Variants in ENOX1 observed in about 807,000 individuals in gnomAD.
The protein encoded by ENOX1 is candidate growth-related and time keeping constitutive hydroquinone (NADH) oxidase.
A neutral mutation model predicts 82.5 loss-of-function variants in ENOX1; 42 were observed. The ratio of observed to expected loss-of-function variants is 0.51; its 90% confidence interval spans 0.40 to 0.66. The LOEUF is 0.66. Ranked by LOEUF, ENOX1 falls within the 30% of genes least tolerant of loss-of-function variation. The pLI is 0.00. For missense variants in ENOX1, 608 were observed against 811.6 expected (o/e 0.75, Z 3.05); for synonymous variants, 271 against 282.2 (o/e 0.96, Z 0.40).
intron 5 of ENOX1, among the ~76,000 whole-genome samples, chr13:43,373,115 C>T (rs935447574): frequency 3.3e-5 from 5 of 151,868 alleles, no homozygotes; most frequent in African/African-American, 1.2e-4. Context: ...TGAGTGTATG[C>T]ATGTGTATAT....
At chr13:43,464,900 T>C (rs1566289408) in intron 3 of ENOX1, among the ~76,000 whole-genome samples, 1 of 152,238 alleles carries the variant, frequency 6.6e-6, no homozygotes, top group Non-Finnish European at 1.5e-5. Context: ...AGTTTTTTCT[T>C]GCTTCCCATG....
At chr13:43,591,193 T>C (rs1408976540) in intron 2 of ENOX1, among the ~76,000 whole-genome samples, 2 of 152,222 alleles carry the variant, frequency 1.3e-5, no homozygotes, top group African/African-American at 2.4e-5. Flanking sequence ...CTTAGCAGCA[T>C]TATTTGTAGT....
At chr13:43,395,136 C>G (rs2053058340) in intron 5 of ENOX1, among the ~76,000 whole-genome samples, 1 of 152,216 alleles carries the variant, frequency 6.6e-6, no homozygotes, top group African/African-American at 2.4e-5. Context: ...AGAAGGCCCT[C>G]TGATGGACTA....
At chr13:43,434,155 G>A (rs1030505263) in intron 3 of ENOX1, among the ~76,000 whole-genome samples, 3 of 152,070 alleles carry the variant, frequency 2.0e-5, no homozygotes, top group Non-Finnish European at 4.4e-5. Context: ...TTGCCAACAT[G>A]GTCACCCTGG....
At chr13:43,366,013 G>T (rs1452754983) in intron 5 of ENOX1, among the ~76,000 whole-genome samples, 1 of 152,204 alleles carries the variant, frequency 6.6e-6, no homozygotes, top group Non-Finnish European at 1.5e-5. Flanking sequence ...GAGAAGCCAC[G>T]TGATACCTGA....
chr13:43,401,485 C>G (rs1235165915), intron 5 of ENOX1, among the ~76,000 whole-genome samples: 1 of 152,134 alleles, frequency 6.6e-6, no homozygotes, highest in African/African-American at 2.4e-5. Context: ...TGAGGTCTGT[C>G]TGAATTAGAC....
chr13:43,616,186 C>CTATCTAGATATATATATA (rs1566642245), intron 2 of ENOX1, among the ~76,000 whole-genome samples: 1 of 6,972 alleles, frequency 1.4e-4, no homozygotes, highest in African/African-American at 1.8e-4. Flanking sequence ...ATCTATCTAT[C>CTATCTAGATATATATATA]TATATATATA....
chr13:43,313,980 G>C (rs1249900520), intron 11 of ENOX1, among the ~76,000 whole-genome samples: 1 of 152,180 alleles, frequency 6.6e-6, no homozygotes, highest in African/African-American at 2.4e-5. Flanking sequence ...AGAACTTAAA[G>C]GGGGCTCATT....
chr13:43,413,694 T>C (rs1037294685), intron 3 of ENOX1, among the ~76,000 whole-genome samples: 2 of 145,874 alleles, frequency 1.4e-5, no homozygotes, highest in African/African-American at 4.9e-5. Flanking sequence ...TATATATATA[T>C]ATATTTTTAT....
chr13:43,519,513 A>G (rs979332091), intron 2 of ENOX1, among the ~76,000 whole-genome samples: 2 of 152,136 alleles, frequency 1.3e-5, no homozygotes, highest in Admixed American at 1.3e-4. Flanking sequence ...AACCAAAATG[A>G]CTTTTCACAC....
At chr13:43,256,601 C>T (rs764193992) in intron 14 of ENOX1, among the ~76,000 whole-genome samples, 1 of 151,692 alleles carries the variant, frequency 6.6e-6, no homozygotes, top group African/African-American at 2.4e-5. Context: ...AAATCAAAAC[C>T]ACAGTGAGAT....
chr13:43,552,020 C>G (rs2079218112), intron 2 of ENOX1, among the ~76,000 whole-genome samples: 1 of 152,150 alleles, frequency 6.6e-6, no homozygotes, highest in African/African-American at 2.4e-5. Flanking sequence ...ACCTGATACC[C>G]TGATGTCTGA....
chr13:43,223,150 C>G (rs2041873009), intron 16 of ENOX1, among the ~76,000 whole-genome samples: 2 of 152,204 alleles, frequency 1.3e-5, no homozygotes, highest in African/African-American at 4.8e-5. Flanking sequence ...TGTGTCTGTT[C>G]AGGGACACAG....
At position 43,213,518 on chromosome 13, in the gene ENOX1, TTTTTTCTTTTTTTCTTTTTC is replaced by T. The variant is rs1445005391; in HGVS notation, c.*452_*471del. 1 of 122,784 alleles carries T rather than the reference TTTTTTCTTTTTTTCTTTTTC, an allele frequency of 8.1e-6. No individual in the cohort carries two copies. The highest frequency in any genetic ancestry group is 8.8e-5 in the Admixed American group (1 of 11,400). The allele number at this position is 122,784 out of a possible 1,614,324, so 7.6% of individuals were successfully genotyped here. A position where few individuals can be genotyped will look rare whatever the true frequency, so the allele number is the denominator to read the frequency against. On this transcript the variant is annotated 3_prime_UTR_variant, in exon 17 of 17. Coordinates refer to ENST00000690772, the MANE Select transcript of ENOX1 (RefSeq NM_001347969.2). ...TTTTCCCTCACTGTAAAACTTTTTC[TTTTTTCTTTTTTTCTTTTTC>T]TTTTTCTTTTTTTTTTTTTTTTTTT...
chr13:43,693,868 A>G (rs1385261919), intron 1 of ENOX1, among the ~76,000 whole-genome samples: 1 of 152,194 alleles, frequency 6.6e-6, no homozygotes, highest in Non-Finnish European at 1.5e-5. Flanking sequence ...AATTCATTTT[A>G]TTACCCAATA....
intron 3 of ENOX1, among the ~76,000 whole-genome samples, chr13:43,454,242 G>A (rs1465563399): frequency 6.6e-6 from 1 of 151,838 alleles, no homozygotes; most frequent in Non-Finnish European, 1.5e-5. Context: ...CCTCCTTCCT[G>A]CTTCTCAGGG....
chr13:43,356,139 T>C lies in ENOX1; in HGVS notation c.603A>G (p.Arg201=). 6.2e-7 allele frequency: 1 copy of C among 1,613,996 alleles called. No individual in the cohort carries two copies. The highest frequency in any genetic ancestry group is 8.5e-7 in the Non-Finnish European group (1 of 1,179,978). ...KAIYLSGYRM[R]LGSSTDKKDS... Reference sequence around the variant, plus strand: ...CCTTTTTGTCGGTGCTAGACCCTAATCGCATCCTATAACCTGAAACCAATG... The same window carrying C: ...CCTTTTTGTCGGTGCTAGACCCTAACCGCATCCTATAACCTGAAACCAATG... Residue 201 remains arginine, a synonymous_variant, in exon 8 of 17, where the codon CGA becomes CGG. Coordinates refer to ENST00000690772, the MANE Select transcript of ENOX1 (RefSeq NM_001347969.2).
chr13:43,489,342 T>A (rs1022742809), intron 2 of ENOX1, among the ~76,000 whole-genome samples: 8 of 152,118 alleles, frequency 5.3e-5, no homozygotes, highest in African/African-American at 1.9e-4. Flanking sequence ...GTGGCTTGAG[T>A]GGACCCAGCT....
At chr13:43,331,320 G>C (rs1320080695) in intron 9 of ENOX1, among the ~76,000 whole-genome samples, 1 of 152,170 alleles carries the variant, frequency 6.6e-6, no homozygotes, top group African/African-American at 2.4e-5. Flanking sequence ...CTAAATAGCG[G>C]TGAAAGAGCC....
Sources: gnomAD v4.1 joint callset for allele counts (sites outside exome capture counted in the v4.1 genomes callset) on GRCh38, gnomAD v4.1.1 for gene constraint, MANE v1.5 for transcripts, NCBI Gene and HGNC (gene_info 2026-07-23, HGNC 2026-07-21) for gene names.